Variants in SLC22A24 observed in about 807,000 individuals in gnomAD.
SLC22A24 encodes the protein steroid transmembrane transporter SLC22A24.
SLC22A24 carries 53 observed loss-of-function variants against 49.8 expected under a neutral mutation model. That is an observed-to-expected ratio of 1.06 (90% CI 0.85 to 1.34). The LOEUF is 1.34. Among genes scored for constraint, SLC22A24 ranks in the 40% most tolerant of loss-of-function variants. The pLI is 0.00. For synonymous variants in SLC22A24, 302 were observed against 256.4 expected, an observed-to-expected ratio of 1.18 and a Z score of -1.70; for missense variants, 786 against 675.9, an observed-to-expected ratio of 1.16 and a Z score of -1.81.
At chr11:63,093,985 T>A (rs1413728575) in intron 6 of SLC22A24, among the ~76,000 whole-genome samples, 1 of 151,304 alleles carries the variant, frequency 6.6e-6, no homozygotes, top group African/African-American at 2.4e-5. Flanking sequence ...TTCCTGTATT[T>A]AAAAAAAAAT....
At chr11:63,093,847 T>G (rs2087035550) in intron 6 of SLC22A24, among the ~76,000 whole-genome samples, 1 of 152,018 alleles carries the variant, frequency 6.6e-6, no homozygotes, top group Non-Finnish European at 1.5e-5. Flanking sequence ...ACTTAAAATG[T>G]AAGTTAAAAA....
At chr11:63,138,799 C>A (rs1484149867) in intron 1 of SLC22A24, among the ~76,000 whole-genome samples, 2 of 152,050 alleles carry the variant, frequency 1.3e-5, no homozygotes, top group Non-Finnish European at 2.9e-5. Context: ...TGGAATGATT[C>A]CTTCCTGGTT....
chr11:63,141,885 A>G (rs1194533629), intron 1 of SLC22A24, among the ~76,000 whole-genome samples: 2 of 152,224 alleles, frequency 1.3e-5, no homozygotes, highest in Non-Finnish European at 2.9e-5. Flanking sequence ...TAATAAAAAT[A>G]GGGACTGGAG....
intron 5 of SLC22A24, 118 bp downstream of exon 5, chr11:63,104,057 G>T: frequency 1.0e-6 from 1 of 963,476 alleles, no homozygotes; most frequent in Non-Finnish European, 1.5e-6. Flanking sequence ...TATCAGGACA[G>T]AGATGTAAGA....
rs1048224509 is a variant in SLC22A24 at position 63,080,981 on chromosome 11, G to A, written c.1537C>T (p.Leu513Phe). 1.5e-5 allele frequency: 24 copies of A among 1,552,114 alleles called. No individual in the cohort carries two copies. Among genetic ancestry groups the A allele is most frequent in the Non-Finnish European group, 2.0e-5 (23 of 1,147,354 alleles). Reference protein sequence around the residue: ...VFPILAVPVILLLPETRDLPL... With the variant: ...VFPILAVPVIFLLPETRDLPL... ...AGATCCCTGGTTTCTGGAAGGAGGA[G>A]GATAACAGGGACAGCAAGGATGGGG... The change falls in exon 9 of 10, where the codon CTC becomes TTC. Residue 513 changes from leucine (L) to phenylalanine (F), a missense_variant. Transcript: ENST00000612278.
intron 1 of SLC22A24, among the ~76,000 whole-genome samples, chr11:63,140,076 TTTTTTTTTTTTG>T (rs1197527520): frequency 3.7e-5 from 5 of 136,456 alleles, no homozygotes; most frequent in African/African-American, 8.2e-5. Flanking sequence ...TGTTTTTTTG[TTTTTTTTTTTTG>T]TTTTTTTTTT....
intron 6 of SLC22A24, among the ~76,000 whole-genome samples, chr11:63,084,435 G>A (rs2086976307): frequency 6.6e-6 from 1 of 152,102 alleles, no homozygotes; most frequent in Admixed American, 6.6e-5. Context: ...AGAGTGTTGG[G>A]GTGGGGAAGG....
intron 5 of SLC22A24, among the ~76,000 whole-genome samples, chr11:63,100,253 A>C (rs529636775): frequency 1.3e-5 from 2 of 152,322 alleles, no homozygotes; most frequent in South Asian, 4.1e-4. Context: ...ATAAAAAATA[A>C]GTGGCATTTC....
chr11:63,142,495 T>C (rs1015053444), intron 1 of SLC22A24, among the ~76,000 whole-genome samples: 13 of 152,186 alleles, frequency 8.5e-5, no homozygotes, highest in Non-Finnish European at 1.8e-4. Flanking sequence ...TTGTAGTTTA[T>C]AGTTTGAACA....
At chr11:63,080,526 A>G (rs1307083295) in intron 9 of SLC22A24, among the ~76,000 whole-genome samples, 2 of 152,186 alleles carry the variant, frequency 1.3e-5, no homozygotes, top group African/African-American at 2.4e-5. Context: ...TTCCCACCAC[A>G]TAACAGGCAC....
At position 63,085,579 on chromosome 11, in the gene SLC22A24, A is replaced by G. The variant is rs149886291; in HGVS notation, c.1071-2122T>C. Among the ~76,000 whole-genome samples the G allele has an allele frequency of 2.8e-3, 420 of 152,338 alleles. 1 individual carries two copies. Among genetic ancestry groups the G allele is most frequent in the African/African-American group, 9.4e-3 (391 of 41,578 alleles). On this transcript the variant is annotated intron_variant, in intron 6 of 9. Coordinates refer to ENST00000612278, the MANE Select transcript of SLC22A24 (RefSeq NM_001136506.2). ...GTTCCATTTTTTGACTGAAATGATA[A>G]TTTATGGAGAGGAAAAGAAAATACA...
chr11:63,103,230 T>C (rs553802607), intron 5 of SLC22A24, among the ~76,000 whole-genome samples: 5 of 152,260 alleles, frequency 3.3e-5, no homozygotes, highest in Middle Eastern at 3.4e-3. Flanking sequence ...CATGTATTTA[T>C]TAGTTTTGCT....
In SLC22A24 at chr11:63,143,627, GA is replaced by G. The variant is rs1256295074; in HGVS notation, c.152del (p.Val51AlafsTer23). On this transcript the variant is annotated frameshift_variant, in exon 1 of 10. Transcript: ENST00000612278. LOFTEE classifies it high-confidence loss of function. ...ACACAGTGTCATTGTCCAGGAGGGG[GA>G]CCCAGCAGCGATGACTAGGGGTGAA... ...TAFTPSHRCW[V>X]PLLDNDTVSD... 6.3e-6 allele frequency: 10 copies of G among 1,591,498 alleles called. No individual in the cohort carries two copies. Among genetic ancestry groups the G allele is most frequent in the Non-Finnish European group, 8.6e-6 (10 of 1,169,562 alleles).
rs2087434232 is a variant in SLC22A24 at position 63,143,849 on chromosome 11, T to C, written c.-70A>G. ...TGAAGAGAAGTTCAGAGGGAGAAAA[T>C]GTCCCCTTTCACAAAGTTACCATAG... On this transcript the variant is annotated 5_prime_UTR_variant, in exon 1 of 10. Coordinates refer to ENST00000612278, the MANE Select transcript of SLC22A24 (RefSeq NM_001136506.2). The C allele has an allele frequency of 8.0e-7, 1 of 1,248,974 alleles. No homozygotes were observed. The allele number at this position is 1,248,974 out of a possible 1,614,324, so 77.4% of individuals were successfully genotyped here. A position where few individuals can be genotyped will look rare whatever the true frequency, so the allele number is the denominator to read the frequency against.
At chr11:63,121,290 A>T (rs2087249813) in intron 2 of SLC22A24, among the ~76,000 whole-genome samples, 1 of 152,194 alleles carries the variant, frequency 6.6e-6, no homozygotes, top group South Asian at 2.1e-4. Flanking sequence ...TAAAATTGCT[A>T]TAAAAATTAA....
chr11:63,110,669 G>A (rs2134658009), intron 4 of SLC22A24, among the ~76,000 whole-genome samples: 1 of 133,944 alleles, frequency 7.5e-6, no homozygotes, highest in African/African-American at 2.7e-5. Context: ...TGGTGTATAA[G>A]AATGCTTGTG....
intron 4 of SLC22A24, among the ~76,000 whole-genome samples, chr11:63,115,304 T>G (rs1175672188): frequency 6.6e-6 from 1 of 152,200 alleles, no homozygotes; most frequent in Non-Finnish European, 1.5e-5. Context: ...GCTACTGCCT[T>G]GCAGGTCGAT....
At chr11:63,094,033 C>T (rs2087037119) in intron 6 of SLC22A24, among the ~76,000 whole-genome samples, 1 of 151,738 alleles carries the variant, frequency 6.6e-6, no homozygotes, top group Admixed American at 6.6e-5. Flanking sequence ...GGTACATATG[C>T]ACAATGTGCA....
chr11:63,086,998 GAATT>G (rs1384938434), intron 6 of SLC22A24, among the ~76,000 whole-genome samples: 1 of 128,204 alleles, frequency 7.8e-6, no homozygotes, highest in Admixed American at 8.2e-5. Flanking sequence ...CAAAAAAAAT[GAATT>G]AAGCTTTTCT....
Sources: gnomAD v4.1 joint callset for allele counts (sites outside exome capture counted in the v4.1 genomes callset) on GRCh38, gnomAD v4.1.1 for gene constraint, MANE v1.5 for transcripts, NCBI Gene and HGNC (gene_info 2026-07-23, HGNC 2026-07-21) for gene names.